The following PLA2G4D variants were observed in gnomAD, a reference collection of about 807,000 sequenced individuals.
PLA2G4D encodes phospholipase A2 group IVD.
A neutral mutation model predicts 94.4 loss-of-function variants in PLA2G4D; 80 were observed. The ratio of observed to expected loss-of-function variants is 0.85; its 90% CI spans 0.71 to 1.02. The LOEUF (loss-of-function observed/expected upper bound fraction) is 1.02, where lower values mean the gene tolerates loss of function less well. Ranked by LOEUF, PLA2G4D falls within the 50% of genes least tolerant of loss-of-function variation. The pLI is 0.00. For synonymous variants in PLA2G4D, 438 were observed against 440.9 expected (o/e 0.99, Z 0.08); for missense variants, 1,050 against 1,034.7 (o/e 1.01, Z -0.20).
At chr15:42,079,855 G>A in intron 12 of PLA2G4D, 96 bp from the exon 13 acceptor site, 5 of 1,224,696 alleles carry the variant, frequency 4.1e-6, no homozygotes, top group Non-Finnish European at 5.7e-6. Flanking sequence ...CTGACACGTG[G>A]CTCCTGCCAC....
chr15:42,074,159 C>T (rs773035477), intron 13 of PLA2G4D, among the ~76,000 whole-genome samples: 9 of 152,104 alleles, frequency 5.9e-5, no homozygotes, highest in Non-Finnish European at 8.8e-5. Context: ...AATTTATGCC[C>T]TAGGGAAAGT....
chr15:42,087,677 C>T lies in PLA2G4D; in HGVS notation c.69G>A (p.Gln23=). Residue 23 remains glutamine, a synonymous_variant, in exon 2 of 20, where the codon CAG becomes CAA. Transcript: ENST00000290472. ...GCGCCTCCAGGACCCTCACTGTGAG[C>T]TGCCAGCAGGTAGAGGCCTCCCCCT... The part of the protein sequence containing the change: ...PYQGEASTCW[Q]LTVRVLEARN... 1.2e-6 allele frequency: 2 copies of T among 1,614,166 alleles called. 1 individual carries two copies.
chr15:42,088,629 G>T (rs1050847702), intron 1 of PLA2G4D, among the ~76,000 whole-genome samples: 1 of 152,166 alleles, frequency 6.6e-6, no homozygotes, highest in African/African-American at 2.4e-5. Context: ...TACTCAAATC[G>T]GTTTGGCAGG....
chr15:42,093,322 T>C (rs1890277626), intron 1 of PLA2G4D, among the ~76,000 whole-genome samples: 6 of 152,172 alleles, frequency 3.9e-5, no homozygotes, highest in African/African-American at 1.2e-4. Flanking sequence ...GGCTTTTGTT[T>C]TACCCAGGAG....
chr15:42,086,202 C>T lies in PLA2G4D; in HGVS notation c.387+11G>A. 2.1e-5 allele frequency: 9 copies of T among 432,528 alleles called. No individual in the cohort carries two copies. The highest frequency in any genetic ancestry group is 3.5e-5 in the Admixed American group (1 of 28,186). The allele number at this position is 432,528 out of a possible 1,614,324, so 26.8% of individuals were successfully genotyped here. A position where few individuals can be genotyped will look rare whatever the true frequency, so the allele number is the denominator to read the frequency against. The stretch of plus-strand genomic sequence containing the variant: ...TGGGGCCCACGGGGACTTCCCCACC[C>T]ACCCACCCACCTGGGGACTCTGGGA... On this transcript the variant is annotated intron_variant, in intron 4 of 19. Coordinates refer to ENST00000290472, the MANE Select transcript of PLA2G4D (RefSeq NM_178034.4).
At chr15:42,081,296 T>A (rs1595594965) in intron 11 of PLA2G4D, among the ~76,000 whole-genome samples, 163 bp from the exon 12 acceptor site, 1 of 152,192 alleles carries the variant, frequency 6.6e-6, no homozygotes, top group African/African-American at 2.4e-5. Context: ...CTGGAAGCAA[T>A]GGCTCTCAGC....
chr15:42,080,551 A>G (rs1206614308), intron 12 of PLA2G4D, among the ~76,000 whole-genome samples: 3 of 152,222 alleles, frequency 2.0e-5, no homozygotes, highest in African/African-American at 7.2e-5. Context: ...ACAATGAAAG[A>G]TAAAAAGAGC....
At position 42,074,218 on chromosome 15, in the gene PLA2G4D, A is replaced by G. The variant is rs140503187; in HGVS notation, c.1318-1826T>C. On this transcript the variant is annotated intron_variant, in intron 13 of 19. Coordinates refer to ENST00000290472, the MANE Select transcript of PLA2G4D (RefSeq NM_178034.4). ...CTCCATCTACTGAAACCCACCCGGT[A>G]TATCTAATGGCTCACCAGTAAGCTG... 2.0e-3 allele frequency among the ~76,000 whole-genome samples: 312 copies of G among 152,312 alleles called. 2 individuals carry two copies. The highest frequency in any genetic ancestry group is 7.2e-3 in the African/African-American group (300 of 41,568).
At chr15:42,071,991 C>A (rs1173360162) in intron 14 of PLA2G4D, 80 bp from the exon 15 acceptor site, 1 of 1,529,746 alleles carries the variant, frequency 6.5e-7, no homozygotes, top group Non-Finnish European at 8.9e-7. Flanking sequence ...AGACACTGCC[C>A]CTGCCCCCAG....
intron 13 of PLA2G4D, among the ~76,000 whole-genome samples, chr15:42,078,593 A>G (rs1336910694): frequency 6.6e-6 from 1 of 152,210 alleles, no homozygotes; most frequent in Non-Finnish European, 1.5e-5. Context: ...AAAAAAGTTG[A>G]AGGCAAATTC....
At chr15:42,077,649 T>G (rs1889956168) in intron 13 of PLA2G4D, among the ~76,000 whole-genome samples, 1 of 152,264 alleles carries the variant, frequency 6.6e-6, no homozygotes, top group Non-Finnish European at 1.5e-5. Context: ...GTAAAGACAA[T>G]GCTGGCACAA....
Position 42,085,080 on chromosome 15 carries a change from TG to T in PLA2G4D, c.471+15del. 1 of 1,614,048 alleles carries T rather than the reference TG, an allele frequency of 6.2e-7. No homozygotes were observed. The highest frequency in any genetic ancestry group is 8.5e-7 in the Non-Finnish European group (1 of 1,179,916). On this transcript the variant is annotated intron_variant, in intron 6 of 19. Transcript: ENST00000290472. Reference sequence around the variant, plus strand: ...TGCTCTGGGGCCCCTCCCCTAAGCCTGGGGAAGGTGCTTACCACAATGACTT... The same window carrying T: ...TGCTCTGGGGCCCCTCCCCTAAGCCTGGGAAGGTGCTTACCACAATGACTT...
chr15:42,080,406 T>A (rs1317670497), intron 12 of PLA2G4D, among the ~76,000 whole-genome samples: 1 of 152,220 alleles, frequency 6.6e-6, no homozygotes, highest in African/African-American at 2.4e-5. Context: ...CACCTCGTCA[T>A]GCTGCGGGGT....
rs1339771961 is a variant in PLA2G4D at position 42,071,259 on chromosome 15, C to T, written c.1740G>A (p.Gln580=). The T allele has an allele frequency of 6.2e-7, 1 of 1,607,220 alleles. No individual in the cohort carries two copies. Among genetic ancestry groups the T allele is most frequent in the African/African-American group, 1.3e-5 (1 of 74,576 alleles). ...TSSRLEASWL[Q]PGTALAQAFK... ...ATGCCTGGGCCAGCGCCGTGCCTGG[C>T]TGCAGCCACGAGGCCTCCAGCCGCG... is the stretch of plus-strand genomic sequence containing the variant. The change falls in exon 17 of 20, where the codon CAG becomes CAA. Residue 580 remains glutamine (Q), a synonymous_variant. Coordinates refer to ENST00000290472, the MANE Select transcript of PLA2G4D (RefSeq NM_178034.4).
In PLA2G4D at chr15:42,092,654, G is replaced by A. The variant is rs184563234; in HGVS notation, c.45+1761C>T. Among the ~76,000 whole-genome samples, 237 of 152,232 alleles carry A rather than the reference G, an allele frequency of 1.6e-3. 2 individuals carry two copies. Among genetic ancestry groups the A allele is most frequent in the African/African-American group, 5.5e-3 (227 of 41,556 alleles). On this transcript the variant is annotated intron_variant, in intron 1 of 19. Coordinates refer to ENST00000290472, the MANE Select transcript of PLA2G4D (RefSeq NM_178034.4). ...AGCCCAGTCACCTGTAGGATCCCCC[G>A]AATGCCTCCCTGCTGAGGGTCTCAG...
At chr15:42,092,756 T>A (rs1372269844) in intron 1 of PLA2G4D, among the ~76,000 whole-genome samples, 1 of 152,134 alleles carries the variant, frequency 6.6e-6, no homozygotes, top group Non-Finnish European at 1.5e-5. Flanking sequence ...GGGCACACGT[T>A]TGCCAGGAAG....
chr15:42,087,768 G>A, intron 1 of PLA2G4D, 68 bp from the exon 2 acceptor site: 1 of 1,515,354 alleles, frequency 6.6e-7, no homozygotes, highest in Non-Finnish European at 9.1e-7. Context: ...CTGCAGCCCG[G>A]GCTGCCGACA....
intron 1 of PLA2G4D, among the ~76,000 whole-genome samples, chr15:42,089,425 G>T (rs1420482894): frequency 6.6e-6 from 1 of 152,160 alleles, no homozygotes; most frequent in African/African-American, 2.4e-5. Context: ...GTGGTTCCAT[G>T]CCAACGTCCT....
At position 42,072,483 on chromosome 15, in the gene PLA2G4D, G is replaced by A; in HGVS notation, c.1318-91C>T. 11 of 1,027,566 alleles carry A rather than the reference G, an allele frequency of 1.1e-5. No homozygotes were observed. The South Asian group carries it at 1.4e-4, about 13-fold the overall frequency. 63.7% of individuals were successfully genotyped at this position (1,027,566 alleles called of 1,614,324 possible). A position where few individuals can be genotyped will look rare whatever the true frequency, so the allele number is the denominator to read the frequency against. ...GGACAGGGGCAGGATGGGGGACCTG[G>A]CTGGGGGTGAGGAGGCAGCTCCTCC... On this transcript the variant is annotated intron_variant, in intron 13 of 19. Transcript: ENST00000290472.
Sources: gnomAD v4.1 joint callset for allele counts (sites outside exome capture counted in the v4.1 genomes callset) on GRCh38, gnomAD v4.1.1 for gene constraint, MANE v1.5 for transcripts, NCBI Gene and HGNC (gene_info 2026-07-23, HGNC 2026-07-21) for gene names.